PRAME: variants seen among roughly 807,000 people sequenced by gnomAD.
The protein encoded by PRAME is PRAME nuclear receptor transcriptional regulator, also known as melanoma antigen preferentially expressed in tumors.
PRAME carries 21 observed loss-of-function variants against 32.1 expected under a neutral mutation model. The ratio of observed to expected loss-of-function variants is 0.65; its 90% confidence interval spans 0.46 to 0.94. PRAME has a LOEUF of 0.94. Among genes scored for constraint, PRAME ranks in the 40% least tolerant of loss-of-function variants. PRAME has a pLI of 0.00. For missense variants in PRAME, 651 were observed against 622.3 expected (o/e 1.05, Z -0.49); for synonymous variants, 274 against 251.5 (o/e 1.09, Z -0.85).
rs2062480362 is a variant in PRAME, at chr22:22,550,143, A to G, written c.536T>C (p.Val179Ala). 6.2e-7 allele frequency: 1 copy of G among 1,613,760 alleles called. No individual in the cohort carries two copies. The highest frequency in any genetic ancestry group is 1.3e-5 in the African/African-American group (1 of 74,862). ...GGCACCTTCCTTGAGGAACAGGTCT[A>G]CGAGCACCTCTACTGGAATGAAGGG... ...EQPFIPVEVL[V>A]DLFLKEGACD... The change falls in exon 5 of 6, where the codon GTA (valine) becomes GCA (alanine). Residue 179 changes from valine (V) to alanine (A), a missense_variant. By Grantham distance (64) the Val-to-Ala change is moderately conservative (BLOSUM62 0). Coordinates refer to ENST00000405655, the MANE Select transcript of PRAME (RefSeq NM_206956.3).
At position 22,548,303 on chromosome 22, in the gene PRAME, C is replaced by T. The variant is rs766780570; in HGVS notation, c.1294G>A (p.Gly432Arg). ...ALQSLLQHLIGLSNLTHVLYP... is the reference protein window; with the variant it reads ...ALQSLLQHLIRLSNLTHVLYP... The stretch of plus-strand genomic sequence containing the variant: ...AGCACGTGGGTCAGATTGCTCAGCC[C>T]GATGAGGTGCTGCAGGAGACTCTGC... The change falls in exon 6 of 6, where the codon GGG becomes AGG. Residue 432 changes from glycine (G) to arginine (R), a missense_variant. Coordinates refer to ENST00000405655, the MANE Select transcript of PRAME (RefSeq NM_206956.3). 3.5e-5 allele frequency: 56 copies of T among 1,613,550 alleles called. No homozygotes were observed. The East Asian group carries it at 8.5e-4, about 24-fold the overall frequency.
intron 2 of PRAME, 28 bp from the exon 3 acceptor site, chr22:22,556,937 A>G (rs2062962579): frequency 1.4e-6 from 2 of 1,408,598 alleles, no homozygotes; most frequent in African/African-American, 1.4e-5. Flanking sequence ...AATGCTCCAA[A>G]AAGAAGAATA....
intron 3 of PRAME, among the ~76,000 whole-genome samples, chr22:22,554,906 T>C (rs2062814844): frequency 6.6e-6 from 1 of 151,900 alleles, no homozygotes; most frequent in Non-Finnish European, 1.5e-5. Flanking sequence ...CGATCAAGTG[T>C]GAGTTGTGTA....
At chr22:22,551,144 C>T (rs2062543388) in intron 3 of PRAME, 55 bp from the exon 4 acceptor site, 1 of 1,469,164 alleles carries the variant, frequency 6.8e-7, no homozygotes, top group Admixed American at 2.2e-5. Context: ...ATAAGCAACT[C>T]TATCTTTTCC....
intron 3 of PRAME, chr22:22,553,945 G>A (rs1470140609): frequency 2.0e-6 from 2 of 984,986 alleles, no homozygotes; most frequent in Admixed American, 6.2e-5. Context: ...TATTACTAAT[G>A]TTTCCACACT....
At chr22:22,554,957 C>T (rs538104454) in intron 3 of PRAME, among the ~76,000 whole-genome samples, 1 of 152,078 alleles carries the variant, frequency 6.6e-6, no homozygotes, top group East Asian at 2.0e-4. Context: ...CAGTGACACT[C>T]CTCTGTCCAG....
At position 22,548,265 on chromosome 22, in the gene PRAME, G is replaced by T; in HGVS notation, c.1332C>A (p.Pro444=). The change falls in exon 6 of 6, where the codon CCC becomes CCA. Residue 444 remains proline, a synonymous_variant. Coordinates refer to ENST00000405655, the MANE Select transcript of PRAME (RefSeq NM_206956.3). ...SNLTHVLYPV[P]LESYEDIHGT... The stretch of plus-strand genomic sequence containing the variant: ...CATGGATGTCCTCATAACTCTCCAG[G>T]GGGACAGGATACAGCACGTGGGTCA... 2.5e-6 allele frequency: 4 copies of T among 1,613,842 alleles called. No individual in the cohort carries two copies. Among genetic ancestry groups the T allele is most frequent in the Non-Finnish European group, 3.4e-6 (4 of 1,179,970 alleles).
chr22:22,556,686 G>C, intron 3 of PRAME, 126 bp downstream of exon 3: 1 of 1,126,776 alleles, frequency 8.9e-7, no homozygotes, highest in Non-Finnish European at 1.3e-6. Flanking sequence ...AACAATAAAA[G>C]CGGCTCCTGC....
chr22:22,558,916 A>T (rs1237580577), intron 1 of PRAME, 55 bp downstream of exon 1: 2 of 151,530 alleles, frequency 1.3e-5, no homozygotes, highest in African/African-American at 2.4e-5. Flanking sequence ...GGATTTACCT[A>T]CTTCTGTAAC....
chr22:22,551,156 C>T (rs1448810200), intron 3 of PRAME, 67 bp from the exon 4 acceptor site: 2 of 1,450,414 alleles, frequency 1.4e-6, no homozygotes, highest in South Asian at 1.4e-5. Flanking sequence ...ATCTTTTCCT[C>T]ACCCTTCTGA....
chr22:22,551,622 T>C (rs970610486), intron 3 of PRAME, among the ~76,000 whole-genome samples: 4 of 121,498 alleles, frequency 3.3e-5, no homozygotes, highest in African/African-American at 1.3e-4. Context: ...TACATAGCAA[T>C]TGGAAGTACA....
At chr22:22,557,360 A>G (rs910866005) in intron 2 of PRAME, 185 bp downstream of exon 2, 2 of 160,032 alleles carry the variant, frequency 1.2e-5, no homozygotes, top group African/African-American at 4.8e-5. Flanking sequence ...TACAGCCACA[A>G]CTCCTCAACT....
Position 22,547,914 on chromosome 22 carries a change from TTGTCTGAATG to T in PRAME, c.*143_*152del. 1 of 869,444 alleles carries T rather than the reference TTGTCTGAATG, an allele frequency of 1.2e-6. No homozygotes were observed. The highest frequency in any genetic ancestry group is 1.8e-6 in the Non-Finnish European group (1 of 560,678). The allele number at this position is 869,444 out of a possible 1,614,324, so 53.9% of individuals were successfully genotyped here. ...TCCCCTTTTTTTCCTCACTGAACATTTGTCTGAATGTTTTTTCCTCACTGAACATGTTTTC... is the reference window on the plus strand; with the variant it reads ...TCCCCTTTTTTTCCTCACTGAACATTTTTTTTCCTCACTGAACATGTTTTC... On this transcript the variant is annotated 3_prime_UTR_variant, in exon 6 of 6. Coordinates refer to ENST00000405655, the MANE Select transcript of PRAME (RefSeq NM_206956.3).
intron 5 of PRAME, 23 bp from the exon 6 acceptor site, chr22:22,548,666 G>A (rs2062381481): frequency 1.3e-6 from 2 of 1,537,924 alleles, no homozygotes; most frequent in East Asian, 4.5e-5. Context: ...AAAGCAGTTA[G>A]TGCTGGGGAA....
chr22:22,547,795 CT>C lies in PRAME; in HGVS notation c.*271del. On this transcript the variant is annotated 3_prime_UTR_variant, in exon 6 of 6. Transcript: ENST00000405655. Reference sequence around the variant, plus strand: ...ATGTACTTCCCAAGCCAGAATCTCCCTTTAGAAATTCAGATTCTATTTCTAA... The same window carrying C: ...ATGTACTTCCCAAGCCAGAATCTCCCTTAGAAATTCAGATTCTATTTCTAA... 1 of 502,306 alleles carries C rather than the reference CT, an allele frequency of 2.0e-6. No homozygotes were observed. The highest frequency in any genetic ancestry group is 3.5e-6 in the Non-Finnish European group (1 of 285,282). 31.1% of individuals were successfully genotyped at this position (502,306 alleles called of 1,614,324 possible). A position where few individuals can be genotyped will look rare whatever the true frequency, so the allele number is the denominator to read the frequency against.
At chr22:22,548,754 C>T in intron 5 of PRAME, 111 bp from the exon 6 acceptor site, 2 of 973,234 alleles carry the variant, frequency 2.1e-6, no homozygotes, top group East Asian at 2.5e-5. Flanking sequence ...TGGTTAACCG[C>T]CAGGATGCCA....
chr22:22,550,114 C>T lies in PRAME; in HGVS notation c.565G>A (p.Asp189Asn), dbSNP rs1359420784. The T allele has an allele frequency of 6.2e-7, 1 of 1,613,906 alleles. No individual in the cohort carries two copies. Among genetic ancestry groups the T allele is most frequent in the East Asian group, 2.2e-5 (1 of 44,788 alleles). The change falls in exon 5 of 6, where the codon GAT becomes AAT. Residue 189 changes from aspartate to asparagine, a missense_variant. Coordinates refer to ENST00000405655, the MANE Select transcript of PRAME (RefSeq NM_206956.3). ...VDLFLKEGAC[D>N]ELFSYLIEKV... Reference sequence around the variant, plus strand: ...TCAATGAGGTAGGAGAACAATTCATCACAGGCACCTTCCTTGAGGAACAGG... The same window carrying T: ...TCAATGAGGTAGGAGAACAATTCATTACAGGCACCTTCCTTGAGGAACAGG...
intron 3 of PRAME, chr22:22,553,056 C>CT: frequency 2.6e-6 from 1 of 389,632 alleles, no homozygotes. Flanking sequence ...AATGGGATGT[C>CT]TATTTACAAA....
chr22:22,553,150 C>A (rs2062700315), intron 3 of PRAME, among the ~76,000 whole-genome samples: 1 of 151,900 alleles, frequency 6.6e-6, no homozygotes, highest in Non-Finnish European at 1.5e-5. Flanking sequence ...CCCAAATAGT[C>A]CAGTTAAGAT....
Sources: gnomAD v4.1 joint callset for allele counts (sites outside exome capture counted in the v4.1 genomes callset) on GRCh38, gnomAD v4.1.1 for gene constraint, MANE v1.5 for transcripts, NCBI Gene and HGNC (gene_info 2026-07-23, HGNC 2026-07-21) for gene names.